The following SCN9A variants were observed in gnomAD, a reference collection of about 807,000 sequenced individuals.
SCN9A encodes the protein sodium voltage-gated channel alpha subunit 9, also known as sodium channel protein type 9 subunit alpha.
Under a neutral mutation model 187.0 loss-of-function variants are expected in SCN9A, and 131 were observed. The observed-to-expected ratio is 0.70, with a 90% CI of 0.61 to 0.81. The LOEUF (loss-of-function observed/expected upper bound fraction) is 0.81. SCN9A is among the 30% of genes least tolerant of loss of function. SCN9A has a pLI of 0.00. For missense variants in SCN9A, 2,252 were observed against 2,396.6 expected, an observed-to-expected ratio of 0.94 and a Z score of 1.26; for synonymous variants, 809 against 808.6, an observed-to-expected ratio of 1.00 and a Z score of -0.01.
At chr2:166,313,152 ATAAT>A (rs1182578138) in intron 1 of SCN9A, among the ~76,000 whole-genome samples, 187 of 150,550 alleles carry the variant, frequency 1.2e-3, no homozygotes, top group African/African-American at 4.3e-3. Context: ...TGAATAGTAA[ATAAT>A]TATTAATATT....
chr2:166,232,034 A>G (rs1347309685), intron 21 of SCN9A, among the ~76,000 whole-genome samples: 2 of 152,210 alleles, frequency 1.3e-5, no homozygotes, highest in African/African-American at 4.8e-5. Flanking sequence ...ATTGAGCCTT[A>G]AAGGACAGAT....
Position 166,311,657 on chromosome 2 carries a change from C to G in SCN9A, c.100G>C (p.Glu34Gln). 6.2e-7 allele frequency: 1 copy of G among 1,613,160 alleles called. No homozygotes were observed. Among genetic ancestry groups the G allele is most frequent in the Non-Finnish European group, 8.5e-7 (1 of 1,179,686 alleles). The change falls in exon 2 of 27, where the codon GAA (glutamate) becomes CAA (glutamine). Residue 34 changes from glutamate (E) to glutamine (Q), a missense_variant. This residue lies in a region of SCN9A where 1,013 missense variants were observed against 997.4 expected (regional missense o/e 1.02). Coordinates refer to ENST00000642356, the MANE Select transcript of SCN9A (RefSeq NM_001365536.1). ...EQRIAERKSK[E>Q]PKEEKKDDDE... ...TCATCTTTCTTTTCTTCTTTGGGTT[C>G]CTTTGATTTTCTTTCAGCAATGCGT...
chr2:166,343,925 G>C (rs1699844430), intron 1 of SCN9A, among the ~76,000 whole-genome samples: 1 of 152,224 alleles, frequency 6.6e-6, no homozygotes, highest in Non-Finnish European at 1.5e-5. Context: ...ATAATGTAAA[G>C]TGAGTAGAGG....
At chr2:166,257,877 G>C (rs1013088488) in intron 17 of SCN9A, among the ~76,000 whole-genome samples, 1 of 151,406 alleles carries the variant, frequency 6.6e-6, no homozygotes, top group Admixed American at 6.6e-5. Context: ...TGAGAATATT[G>C]CCTCTAAATC....
chr2:166,286,506 T>G lies in SCN9A; in HGVS notation c.1432A>C (p.Asn478His). Residue 478 changes from asparagine to histidine, a missense_variant, in exon 11 of 27, where the codon AAC (asparagine) becomes CAC (histidine). Asn to His is a moderately conservative substitution (Grantham distance 68). Coordinates refer to ENST00000642356, the MANE Select transcript of SCN9A (RefSeq NM_001365536.1). ...TTTTGATTCTTTTTCTTTCTTCTGT[T>G]TCTTCTTTCTTTAGCACTTTTAGAG... Reference protein sequence around the residue: ...LSSKSAKERRNRRKKKNQKKL... With the variant: ...LSSKSAKERRHRRKKKNQKKL... 1 of 1,613,584 alleles carries G rather than the reference T, an allele frequency of 6.2e-7. No homozygotes were observed.
At chr2:166,262,079 T>A (rs1473352944) in intron 17 of SCN9A, among the ~76,000 whole-genome samples, 1 of 151,984 alleles carries the variant, frequency 6.6e-6, no homozygotes, top group African/African-American at 2.4e-5. Flanking sequence ...GCTGGATAAG[T>A]CTTAGTAGCA....
chr2:166,263,723 A>T (rs76581711), intron 17 of SCN9A, among the ~76,000 whole-genome samples: 1 of 151,970 alleles, frequency 6.6e-6, no homozygotes, highest in African/African-American at 2.4e-5. Flanking sequence ...CACAATGAAG[A>T]TGAGGTCATT....
In SCN9A at chr2:166,214,954, A is replaced by C. The variant is rs369361001; in HGVS notation, c.4399-10490T>G. ...AACTACACTTTAATCCAATAGATCTAACAGATATTTATAGAACAGTTCATC... is the reference window on the plus strand; with the variant it reads ...AACTACACTTTAATCCAATAGATCTCACAGATATTTATAGAACAGTTCATC... On this transcript the variant is annotated intron_variant, in intron 24 of 26. Transcript: ENST00000642356. Among the ~76,000 whole-genome samples the C allele has an allele frequency of 6.6e-5, 10 of 152,252 alleles. No individual in the cohort carries two copies. In the South Asian group the frequency reaches 1.2e-3, roughly 19 times the overall value.
At chr2:166,250,599 G>A (rs1419219770) in intron 18 of SCN9A, among the ~76,000 whole-genome samples, 2 of 152,078 alleles carry the variant, frequency 1.3e-5, no homozygotes, top group African/African-American at 4.8e-5. Context: ...CTCTGGGCTT[G>A]TATTTTTACC....
intron 1 of SCN9A, among the ~76,000 whole-genome samples, chr2:166,312,487 C>A (rs1698991105): frequency 6.6e-6 from 1 of 152,200 alleles, no homozygotes. Context: ...CAACTCATTC[C>A]AATTTCCTAT....
At chr2:166,229,026 G>A in intron 21 of SCN9A, 54 bp from the exon 22 acceptor site, 1 of 1,400,102 alleles carries the variant, frequency 7.1e-7, no homozygotes, top group South Asian at 1.3e-5. Context: ...TGTTAAATAG[G>A]CAACATGAAA....
chr2:166,198,261 C>CT lies in SCN9A; in HGVS notation c.*410dup, dbSNP rs1345569381. 6.2e-6 allele frequency: 1 copy of CT among 160,942 alleles called. No individual in the cohort carries two copies. The highest frequency in any genetic ancestry group is 1.4e-5 in the Non-Finnish European group (1 of 73,168). The allele number at this position is 160,942 out of a possible 1,614,324, so 10.0% of individuals were successfully genotyped here. A position where few individuals can be genotyped will look rare whatever the true frequency, so the allele number is the denominator to read the frequency against. On this transcript the variant is annotated 3_prime_UTR_variant, in exon 27 of 27. Transcript: ENST00000642356. ...TTTCATTGCAAAGCCAAGGCAAATA[C>CT]TTTTGTTGATTTCCAAATAATAGAT...
intron 1 of SCN9A, among the ~76,000 whole-genome samples, chr2:166,352,179 A>G (rs1380975191): frequency 6.6e-6 from 1 of 152,176 alleles, no homozygotes; most frequent in Non-Finnish European, 1.5e-5. Flanking sequence ...TAAGATTTAC[A>G]CGGCCCTACT....
chr2:166,279,272 AAGAAAAGACAGACTC>A (rs1697372975), intron 14 of SCN9A, among the ~76,000 whole-genome samples: 1 of 152,234 alleles, frequency 6.6e-6, no homozygotes, highest in South Asian at 2.1e-4. Context: ...GACAATTTAG[AAGAAAAGACAGACTC>A]AGAAAAGAAC....
chr2:166,300,829 A>G (rs943251334), intron 7 of SCN9A: 2 of 150,980 alleles, frequency 1.3e-5, no homozygotes, highest in African/African-American at 5.0e-5. Flanking sequence ...TTATTAGCTA[A>G]TTGTCATGCA....
intron 20 of SCN9A, among the ~76,000 whole-genome samples, chr2:166,236,962 C>T (rs184333619): frequency 3.2e-4 from 48 of 152,188 alleles, no homozygotes; most frequent in African/African-American, 1.2e-3. Flanking sequence ...GTGTTGACCT[C>T]TAATTATGTC....
intron 18 of SCN9A, among the ~76,000 whole-genome samples, chr2:166,249,633 T>A (rs544124421): frequency 1.3e-5 from 2 of 152,180 alleles, no homozygotes; most frequent in East Asian, 3.9e-4. Flanking sequence ...CTGGCCTCAG[T>A]TTGGAAGCAA....
intron 13 of SCN9A, 23 bp downstream of exon 13, chr2:166,281,656 A>C (rs199810476): frequency 1.9e-6 from 3 of 1,602,996 alleles, no homozygotes; most frequent in African/African-American, 2.7e-5. Context: ...GAATCTGTAC[A>C]GTAAAAGAAG....
chr2:166,310,362 G>A (rs188657481), intron 2 of SCN9A, among the ~76,000 whole-genome samples: 1,480 of 82,172 alleles, frequency 0.018, 600 homozygotes, highest in African/African-American at 0.088. Context: ...TCTGACAAAA[G>A]GCTAATATCC....
Sources: gnomAD v4.1 joint callset for allele counts (sites outside exome capture counted in the v4.1 genomes callset) on GRCh38, gnomAD v4.1.1 for gene constraint, gnomAD v4.1.1 regional missense constraint, MANE v1.5 for transcripts, NCBI Gene and HGNC (gene_info 2026-07-23, HGNC 2026-07-21) for gene names.